The following ASAP2 variants were observed in gnomAD, a reference collection of about 807,000 sequenced individuals.
ASAP2 encodes arf-GAP with SH3 domain, ANK repeat and PH domain-containing protein 2.
A neutral mutation model predicts 131.4 loss-of-function variants in ASAP2; 45 were observed. That is an observed-to-expected ratio of 0.34 (90% CI 0.27 to 0.44). ASAP2 has a LOEUF of 0.44. Among genes scored for constraint, ASAP2 ranks in the 20% least tolerant of loss-of-function variants. ASAP2 has a pLI of 1.00. For missense variants in ASAP2, 1,011 were observed against 1,297.0 expected (o/e 0.78, Z 3.39); for synonymous variants, 510 against 503.0 (o/e 1.01, Z -0.19).
intron 3 of ASAP2, among the ~76,000 whole-genome samples, chr2:9,301,638 C>T (rs1468171955): frequency 1.3e-5 from 2 of 152,092 alleles, no homozygotes; most frequent in Admixed American, 6.5e-5. Context: ...GATGTCCTCA[C>T]GGTCTGCAGA....
Position 9,207,704 on chromosome 2 carries a change from CG to C in ASAP2, c.126+478del, listed in dbSNP as rs1211821309. 6.6e-6 allele frequency among the ~76,000 whole-genome samples: 1 copy of C among 152,004 alleles called. No homozygotes were observed. Among genetic ancestry groups the C allele is most frequent in the East Asian group, 1.9e-4 (1 of 5,156 alleles). On this transcript the variant is annotated intron_variant, in intron 1 of 27. Transcript: ENST00000281419. This position sits in a 1 kb window ranked among gnomAD's most constrained non-coding sequence, Gnocchi z 4.1. ...GCCCCCACCCTCGGGTCCGCGGGTC[CG>C]GGGCATCCCGGGCTGCCCGGGAAGG...
chr2:9,340,345 TGA>T (rs1227215461), intron 9 of ASAP2, among the ~76,000 whole-genome samples: 1 of 152,114 alleles, frequency 6.6e-6, no homozygotes, highest in Non-Finnish European at 1.5e-5. Flanking sequence ...CTTTATTCTG[TGA>T]GAGAGAGAGG....
In ASAP2 at chr2:9,374,761, A is replaced by G; in HGVS notation, c.1563A>G (p.Ala521=). The G allele has an allele frequency of 6.3e-7, 1 of 1,593,764 alleles. No homozygotes were observed. The highest frequency in any genetic ancestry group is 8.5e-7 in the Non-Finnish European group (1 of 1,171,524). The part of the protein sequence containing the change: ...VKPNPGSDMN[A]RKDYITAKYI... ...CAATTACGTTTGGTTTCAGGAATGC[A>G]AGAAAGGACTACATCACAGCCAAGT... The change falls in exon 17 of 28, where the codon GCA becomes GCG. Residue 521 remains alanine (A), a synonymous_variant. Coordinates refer to ENST00000281419, the MANE Select transcript of ASAP2 (RefSeq NM_003887.3).
chr2:9,227,292 C>T (rs949215054), intron 1 of ASAP2, among the ~76,000 whole-genome samples: 12 of 152,158 alleles, frequency 7.9e-5, no homozygotes, highest in African/African-American at 2.4e-4. Flanking sequence ...TGGGGTTGTG[C>T]GCCCCTGTGC....
chr2:9,331,539 G>A (rs974833884), intron 7 of ASAP2, among the ~76,000 whole-genome samples: 2 of 152,116 alleles, frequency 1.3e-5, no homozygotes, highest in Non-Finnish European at 2.9e-5. Flanking sequence ...AGGCCAAGGG[G>A]GGCGGATCAC....
chr2:9,320,258 C>T, intron 4 of ASAP2, 30 bp from the exon 5 acceptor site: 1 of 1,584,070 alleles, frequency 6.3e-7, no homozygotes, highest in Non-Finnish European at 8.7e-7. Flanking sequence ...AATGATTAGT[C>T]TTGCCTAATT....
At chr2:9,325,901 C>G (rs1040123154) in intron 6 of ASAP2, among the ~76,000 whole-genome samples, 1 of 152,132 alleles carries the variant, frequency 6.6e-6, no homozygotes, top group Non-Finnish European at 1.5e-5. Context: ...TGCATAAAAG[C>G]AGAGGTGGGC....
rs527870424 is a variant in ASAP2, at chr2:9,257,025, G to A, written c.127-22292G>A. Among the ~76,000 whole-genome samples the A allele has an allele frequency of 5.3e-5, 8 of 152,298 alleles. No homozygotes were observed. In the East Asian group the frequency reaches 1.5e-3, roughly 29 times the overall value. Reference sequence around the variant, plus strand: ...TGCTAACAGCCTGTCACTTTCTTCAGGATGTGCCTGTGTTACCTGCTCCAG... The same window carrying A: ...TGCTAACAGCCTGTCACTTTCTTCAAGATGTGCCTGTGTTACCTGCTCCAG... On this transcript the variant is annotated intron_variant, in intron 1 of 27. Coordinates refer to ENST00000281419, the MANE Select transcript of ASAP2 (RefSeq NM_003887.3).
At chr2:9,351,647 C>T (rs978340891) in intron 12 of ASAP2, among the ~76,000 whole-genome samples, 3 of 152,178 alleles carry the variant, frequency 2.0e-5, no homozygotes, top group African/African-American at 4.8e-5. Flanking sequence ...TGTAGGAAGG[C>T]GGTGCTGTTC....
intron 1 of ASAP2, among the ~76,000 whole-genome samples, chr2:9,278,350 T>C (rs1666890727): frequency 6.6e-6 from 1 of 151,898 alleles, no homozygotes. Context: ...CCGTCTCTAC[T>C]AAAAATGCAA....
intron 22 of ASAP2, among the ~76,000 whole-genome samples, chr2:9,388,816 A>G (rs1050340539): frequency 6.6e-6 from 1 of 152,182 alleles, no homozygotes; most frequent in African/African-American, 2.4e-5. Context: ...GAGGTGGCCA[A>G]CTGGGCTCCC....
intron 1 of ASAP2, among the ~76,000 whole-genome samples, chr2:9,231,380 C>T (rs988176831): frequency 1.3e-5 from 2 of 152,186 alleles, no homozygotes; most frequent in Admixed American, 6.5e-5. Flanking sequence ...TCACATCTAA[C>T]TTTAAGACCC....
At chr2:9,283,434 G>A (rs543912529) in intron 2 of ASAP2, among the ~76,000 whole-genome samples, 36 of 152,278 alleles carry the variant, frequency 2.4e-4, no homozygotes, top group South Asian at 1.0e-3. Context: ...TGGGAAACCC[G>A]ACATGGGTCT....
chr2:9,212,826 G>T (rs1280625259), intron 1 of ASAP2, among the ~76,000 whole-genome samples: 3 of 152,066 alleles, frequency 2.0e-5, no homozygotes, highest in African/African-American at 7.2e-5. Context: ...AGAGCCCCGG[G>T]TTCCACCCAG....
intron 10 of ASAP2, 47 bp from the exon 11 acceptor site, chr2:9,344,684 T>C: frequency 1.2e-6 from 2 of 1,612,354 alleles, no homozygotes; most frequent in Non-Finnish European, 1.7e-6. Flanking sequence ...CGTTATCTTG[T>C]GTCCAAAATG....
chr2:9,397,362 T>C (rs1392425771), intron 24 of ASAP2, among the ~76,000 whole-genome samples: 1 of 152,138 alleles, frequency 6.6e-6, no homozygotes, highest in African/African-American at 2.4e-5. Context: ...AGGTTTCCTC[T>C]GGAACACAAT....
Position 9,383,929 on chromosome 2 carries a change from C to T in ASAP2, c.2017-1316C>T, listed in dbSNP as rs7588846. 9.9e-3 allele frequency among the ~76,000 whole-genome samples: 1,507 copies of T among 152,156 alleles called. 23 individuals are homozygous for T. Among genetic ancestry groups the T allele is most frequent in the African/African-American group, 0.034 (1,431 of 41,512 alleles). ...ATTGCAAGGACAGAAAACCAAACAC[C>T]GCACGTTCTCACTCATAGGTGGGAA... On this transcript the variant is annotated intron_variant, in intron 20 of 27. Coordinates refer to ENST00000281419, the MANE Select transcript of ASAP2 (RefSeq NM_003887.3).
At chr2:9,399,266 C>T (rs1300515733) in intron 24 of ASAP2, 2 of 152,530 alleles carry the variant, frequency 1.3e-5, no homozygotes, top group Non-Finnish European at 2.9e-5. Context: ...TCTTCTGCTT[C>T]TCCAGCCCCC....
At chr2:9,322,985 G>A (rs929240191) in intron 5 of ASAP2, 136 bp from the exon 6 acceptor site, 1 of 1,014,436 alleles carries the variant, frequency 9.9e-7, no homozygotes. Context: ...CCTTTTGAGG[G>A]AGTTGAGAGG....
Sources: allele counts gnomAD v4.1 joint callset (sites outside exome capture counted in the v4.1 genomes callset), GRCh38; gene constraint gnomAD v4.1.1; non-coding constraint Gnocchi (gnomAD v3.1); transcripts MANE v1.5; gene names NCBI Gene and HGNC (gene_info 2026-07-23, HGNC 2026-07-21).